The following MICU1 variants were observed in gnomAD, a reference collection of about 807,000 sequenced individuals.
MICU1 encodes mitochondrial calcium uptake 1.
A neutral mutation model predicts 56.8 loss-of-function variants in MICU1; 45 were observed. The observed-to-expected ratio is 0.79, with a 90% confidence interval of 0.62 to 1.02. MICU1 has a LOEUF of 1.02. Among genes scored for constraint, MICU1 ranks in the 50% least tolerant of loss-of-function variants. MICU1 has a pLI of 0.00. For synonymous variants in MICU1, 186 were observed against 195.1 expected (o/e 0.95, Z 0.39); for missense variants, 504 against 587.1 (o/e 0.86, Z 1.46).
chr10:72,506,543 G>C lies in MICU1; in HGVS notation c.652+1612C>G, dbSNP rs559655920. Among the ~76,000 whole-genome samples, 61 of 152,098 alleles carry C rather than the reference G, an allele frequency of 4.0e-4. 2 individuals are homozygous for C. In the South Asian group the frequency reaches 0.012, roughly 31 times the overall value. On this transcript the variant is annotated intron_variant, in intron 6 of 11. Coordinates refer to ENST00000361114, the MANE Select transcript of MICU1 (RefSeq NM_001195518.2). Reference sequence around the variant, plus strand: ...TTGGGTCATTTTTTAAAAAAGATAAGGTTTATGGATCTTTAAAAATCAGAC... The same window carrying C: ...TTGGGTCATTTTTTAAAAAAGATAACGTTTATGGATCTTTAAAAATCAGAC...
intron 6 of MICU1, among the ~76,000 whole-genome samples, chr10:72,493,168 G>A (rs931093760): frequency 2.6e-5 from 4 of 151,978 alleles, no homozygotes; most frequent in Admixed American, 2.6e-4. Context: ...AAAATAATAA[G>A]ATGTATATGT....
intron 5 of MICU1, among the ~76,000 whole-genome samples, chr10:72,527,138 T>C (rs540558833): frequency 1.2e-4 from 19 of 152,236 alleles, no homozygotes; most frequent in Middle Eastern, 3.4e-3. Flanking sequence ...AGCTGTACTT[T>C]ATCAAAGCAG....
At chr10:72,480,374 T>A (rs545101818) in intron 6 of MICU1, among the ~76,000 whole-genome samples, 67 of 152,318 alleles carry the variant, frequency 4.4e-4, no homozygotes, top group African/African-American at 1.6e-3. Flanking sequence ...GGTCTCAGCT[T>A]ATGCAGATGA....
At position 72,425,326 on chromosome 10, in the gene MICU1, C is replaced by G. The variant is rs12772282; in HGVS notation, c.934-1955G>C. 2.5e-3 allele frequency among the ~76,000 whole-genome samples: 384 copies of G among 152,326 alleles called. 4 individuals carry two copies. Among genetic ancestry groups the G allele is most frequent in the Non-Finnish European group, 2.7e-3 (184 of 68,034 alleles). On this transcript the variant is annotated intron_variant, in intron 8 of 11. Coordinates refer to ENST00000361114, the MANE Select transcript of MICU1 (RefSeq NM_001195518.2). ...TCAGCTTTATCTCACCAGATAGATT[C>G]ATGGTTGAAAAGTTTCTTGTTTGTA... is the stretch of plus-strand genomic sequence containing the variant.
At chr10:72,473,188 T>C (rs144654471) in intron 8 of MICU1, 22 of 152,096 alleles carry the variant, frequency 1.4e-4, no homozygotes, top group Admixed American at 5.2e-4. Context: ...GAGCTATATA[T>C]ATAGATCTAA....
At chr10:72,501,726 G>GGAAGGC (rs1353876318) in intron 6 of MICU1, 1 of 152,162 alleles carries the variant, frequency 6.6e-6, no homozygotes, top group African/African-American at 2.4e-5. Context: ...GGTTGGCCAA[G>GGAAGGC]GAAGGCCCAT....
Position 72,595,505 on chromosome 10 carries a change from A to G in MICU1, c.-1-28711T>C, listed in dbSNP as rs1310020959. Reference sequence around the variant, plus strand: ...AAAAAAGACCATATACATCAAAGATAAGAGCAGTATTTGGAGGAATAATGC... The same window carrying G: ...AAAAAAGACCATATACATCAAAGATGAGAGCAGTATTTGGAGGAATAATGC... On this transcript the variant is annotated intron_variant, in intron 1 of 11. Coordinates refer to ENST00000361114, the MANE Select transcript of MICU1 (RefSeq NM_001195518.2). Among the ~76,000 whole-genome samples, 5 of 151,876 alleles carry G rather than the reference A, an allele frequency of 3.3e-5. No individual in the cohort carries two copies. In the East Asian group the frequency reaches 9.6e-4, roughly 29 times the overall value.
chr10:72,394,525 C>T (rs2132073759), intron 10 of MICU1, among the ~76,000 whole-genome samples: 1 of 152,086 alleles, frequency 6.6e-6, no homozygotes, highest in Non-Finnish European at 1.5e-5. Flanking sequence ...ACTGGGGAGG[C>T]TGGGGCAGGA....
At chr10:72,589,195 A>C (rs1260860868) in intron 1 of MICU1, among the ~76,000 whole-genome samples, 4 of 152,134 alleles carry the variant, frequency 2.6e-5, no homozygotes, top group Admixed American at 2.6e-4. Flanking sequence ...AGGCCAAGGC[A>C]GGAGAATTGC....
In MICU1 at chr10:72,462,246, T is replaced by A. The variant is rs747639571; in HGVS notation, c.933+12854A>T. 1.0e-3 allele frequency among the ~76,000 whole-genome samples: 153 copies of A among 151,288 alleles called. 1 individual carries two copies. Among genetic ancestry groups the A allele is most frequent in the Middle Eastern group, 3.2e-3 (1 of 316 alleles). On this transcript the variant is annotated intron_variant, in intron 8 of 11. Coordinates refer to ENST00000361114, the MANE Select transcript of MICU1 (RefSeq NM_001195518.2). ...TTTTTTTTTTTTTTGAGCCAGGGTCTTACTCTGTCACCCAGGCTGGAGTGC... is the reference window on the plus strand; with the variant it reads ...TTTTTTTTTTTTTTGAGCCAGGGTCATACTCTGTCACCCAGGCTGGAGTGC...
Position 72,502,335 on chromosome 10 carries a change from T to C in MICU1, c.652+5820A>G, listed in dbSNP as rs554721860. Reference sequence around the variant, plus strand: ...ATGCCCGGCTAATTTTTGTATTTTTTAGTGGAGATGGGGTTTCGCCATGTT... The same window carrying C: ...ATGCCCGGCTAATTTTTGTATTTTTCAGTGGAGATGGGGTTTCGCCATGTT... On this transcript the variant is annotated intron_variant, in intron 6 of 11. Coordinates refer to ENST00000361114, the MANE Select transcript of MICU1 (RefSeq NM_001195518.2). Among the ~76,000 whole-genome samples, 4 of 152,134 alleles carry C rather than the reference T, an allele frequency of 2.6e-5. No homozygotes were observed. The South Asian group carries it at 8.3e-4, about 32-fold the overall frequency.
At chr10:72,584,531 C>T (rs1036760759) in intron 1 of MICU1, among the ~76,000 whole-genome samples, 1 of 151,124 alleles carries the variant, frequency 6.6e-6, no homozygotes, top group Non-Finnish European at 1.5e-5. Flanking sequence ...AATTAAGTAG[C>T]TATAGAGCTT....
intron 8 of MICU1, among the ~76,000 whole-genome samples, chr10:72,446,152 T>C (rs1865096137): frequency 6.6e-6 from 1 of 152,170 alleles, no homozygotes; most frequent in Non-Finnish European, 1.5e-5. Context: ...ATGCTCTTGA[T>C]GGCTCGGAGG....
In MICU1 at chr10:72,398,555, T is replaced by C. The variant is rs186553135; in HGVS notation, c.1180+9374A>G. 2.0e-3 allele frequency among the ~76,000 whole-genome samples: 302 copies of C among 149,400 alleles called. 2 individuals carry two copies. The highest frequency in any genetic ancestry group is 7.1e-3 in the African/African-American group (286 of 40,396). Reference sequence around the variant, plus strand: ...ATTGATAGACAGCTAGCAAGACTAATAAAGAAGAAAAGAGAGAAGAATCAA... The same window carrying C: ...ATTGATAGACAGCTAGCAAGACTAACAAAGAAGAAAAGAGAGAAGAATCAA... On this transcript the variant is annotated intron_variant, in intron 10 of 11. Transcript: ENST00000361114.
At chr10:72,512,877 G>C (rs1366409433) in intron 5 of MICU1, among the ~76,000 whole-genome samples, 1 of 151,920 alleles carries the variant, frequency 6.6e-6, no homozygotes, top group Non-Finnish European at 1.5e-5. Flanking sequence ...GGTAATTTTT[G>C]TATTTTTTGT....
intron 10 of MICU1, chr10:72,379,442 T>G (rs11000276): frequency 0.51 from 142,540 of 278,340 alleles, 41,299 homozygotes; most frequent in Non-Finnish European, 0.65. Context: ...TAACCATTCC[T>G]TTTTCTGCAT....
intron 11 of MICU1, among the ~76,000 whole-genome samples, chr10:72,371,843 C>A (rs1203916762): frequency 6.6e-6 from 1 of 151,742 alleles, no homozygotes; most frequent in Non-Finnish European, 1.5e-5. Context: ...ATCATTTGAG[C>A]CCAGGAGTTC....
At chr10:72,522,584 A>G (rs1241742712) in intron 5 of MICU1, among the ~76,000 whole-genome samples, 1 of 152,134 alleles carries the variant, frequency 6.6e-6, no homozygotes, top group Non-Finnish European at 1.5e-5. Flanking sequence ...TAGTGGTGGA[A>G]CTCAGAGACT....
In MICU1 at chr10:72,480,031, T is replaced by C. The variant is rs1391862160; in HGVS notation, c.653-2775A>G. On this transcript the variant is annotated intron_variant, in intron 6 of 11. Transcript: ENST00000361114. ...GTAGGAGAGTGACACAATCAAGCAA[T>C]TATAAAGGACTTCTCCAGCTACTGT... Among the ~76,000 whole-genome samples, 6 of 152,186 alleles carry C rather than the reference T, an allele frequency of 3.9e-5. No individual in the cohort carries two copies. The East Asian group carries it at 9.7e-4, about 24-fold the overall frequency.
Sources: gnomAD v4.1 joint callset for allele counts (sites outside exome capture counted in the v4.1 genomes callset) on GRCh38, gnomAD v4.1.1 for gene constraint, MANE v1.5 for transcripts, NCBI Gene and HGNC (gene_info 2026-07-23, HGNC 2026-07-21) for gene names.